TSPAN5: variants seen among roughly 807,000 people sequenced by gnomAD.
TSPAN5 encodes the protein tetraspanin-5.
A neutral mutation model predicts 37.1 loss-of-function variants in TSPAN5; 10 were observed. The observed-to-expected ratio is 0.27, with a 90% CI of 0.17 to 0.46. The LOEUF (loss-of-function observed/expected upper bound fraction) is 0.46. Among genes scored for constraint, TSPAN5 ranks in the 20% least tolerant of loss-of-function variants. The probability of loss-of-function intolerance (pLI) is 1.00; values close to 1 mark genes in which losing one functional copy is unlikely to be tolerated. For missense variants in TSPAN5, 195 were observed against 326.6 expected (o/e 0.60, Z 3.11); for synonymous variants, 110 against 118.9 (o/e 0.93, Z 0.48).
At chr4:98,482,217 T>C in intron 3 of TSPAN5, 42 bp from the exon 4 acceptor site, 1 of 1,579,966 alleles carries the variant, frequency 6.3e-7, no homozygotes, top group Non-Finnish European at 8.6e-7. Flanking sequence ...TTATAAGGGC[T>C]ATTTTGATCA....
At chr4:98,474,557 A>G (rs1752654656) in intron 7 of TSPAN5, among the ~76,000 whole-genome samples, 1 of 151,796 alleles carries the variant, frequency 6.6e-6, no homozygotes, top group Admixed American at 6.6e-5. Context: ...CATGTTGCCC[A>G]GGCTGTTTTG....
At chr4:98,637,311 C>T (rs768031998) in intron 1 of TSPAN5, among the ~76,000 whole-genome samples, 1 of 152,106 alleles carries the variant, frequency 6.6e-6, no homozygotes, top group South Asian at 2.1e-4. Context: ...ACATGGCGGC[C>T]CTCAGGGATA....
rs979317660 is a variant in TSPAN5, at chr4:98,514,376, T to C, written c.82-6648A>G. Among the ~76,000 whole-genome samples the C allele has an allele frequency of 2.6e-5, 4 of 152,106 alleles. No individual in the cohort carries two copies. In the East Asian group the frequency reaches 7.7e-4, roughly 29 times the overall value. On this transcript the variant is annotated intron_variant, in intron 1 of 7. Coordinates refer to ENST00000305798, the MANE Select transcript of TSPAN5 (RefSeq NM_005723.4). The stretch of plus-strand genomic sequence containing the variant: ...TAAATACTTATAATAACAAAATAAA[T>C]GTCTTTATAGAGGAGGGACTTATTT...
chr4:98,581,817 G>A (rs187093732), intron 1 of TSPAN5, among the ~76,000 whole-genome samples: 44 of 152,270 alleles, frequency 2.9e-4, no homozygotes, highest in African/African-American at 9.9e-4. Flanking sequence ...TTTTGTCTAA[G>A]AGACCCTCTG....
intron 1 of TSPAN5, among the ~76,000 whole-genome samples, chr4:98,549,417 C>A (rs1026985296): frequency 6.6e-6 from 1 of 151,998 alleles, no homozygotes; most frequent in Admixed American, 6.5e-5. Context: ...ATTCTCCTGC[C>A]TCAGCCTCCT....
At chr4:98,601,501 C>T (rs1461721572) in intron 1 of TSPAN5, among the ~76,000 whole-genome samples, 1 of 152,220 alleles carries the variant, frequency 6.6e-6, no homozygotes, top group East Asian at 1.9e-4. Context: ...CCTTAAACCT[C>T]ATGAACCAAC....
At chr4:98,562,017 G>C (rs902371846) in intron 1 of TSPAN5, among the ~76,000 whole-genome samples, 1 of 152,296 alleles carries the variant, frequency 6.6e-6, no homozygotes, top group East Asian at 1.9e-4. Flanking sequence ...TCAAAAGTAG[G>C]CTCCATGATG....
chr4:98,570,798 C>T (rs910394618), intron 1 of TSPAN5, among the ~76,000 whole-genome samples: 2 of 152,032 alleles, frequency 1.3e-5, no homozygotes, highest in African/African-American at 2.4e-5. Context: ...GCCATCTCTC[C>T]TCTTTCATAC....
intron 7 of TSPAN5, among the ~76,000 whole-genome samples, chr4:98,475,911 A>T (rs1752683673): frequency 6.6e-6 from 1 of 151,982 alleles, no homozygotes; most frequent in East Asian, 1.9e-4. Context: ...AATGGCATGA[A>T]CCCAAGAGGC....
intron 1 of TSPAN5, among the ~76,000 whole-genome samples, chr4:98,525,611 C>CT (rs1361762801): frequency 2.0e-5 from 3 of 152,302 alleles, no homozygotes; most frequent in Admixed American, 2.0e-4. Context: ...GAGTCTTGCT[C>CT]TGTCCCCCAG....
At chr4:98,530,664 T>C (rs1300463130) in intron 1 of TSPAN5, among the ~76,000 whole-genome samples, 1 of 152,198 alleles carries the variant, frequency 6.6e-6, no homozygotes, top group African/African-American at 2.4e-5. Context: ...AGTTTTTTCA[T>C]TTGCAGAGTA....
At chr4:98,515,824 C>T (rs534591418) in intron 1 of TSPAN5, among the ~76,000 whole-genome samples, 1 of 152,268 alleles carries the variant, frequency 6.6e-6, no homozygotes, top group South Asian at 2.1e-4. Flanking sequence ...GTCAGATACT[C>T]ATATGGTACT....
intron 1 of TSPAN5, among the ~76,000 whole-genome samples, chr4:98,543,953 G>A (rs1296266860): frequency 6.6e-6 from 1 of 152,072 alleles, no homozygotes; most frequent in Non-Finnish European, 1.5e-5. Context: ...CGAGGCAGGA[G>A]GATTGTCTGG....
intron 1 of TSPAN5, among the ~76,000 whole-genome samples, chr4:98,572,714 G>A (rs1316542703): frequency 6.6e-6 from 1 of 152,224 alleles, no homozygotes; most frequent in East Asian, 1.9e-4. Flanking sequence ...GTTTTAGTGT[G>A]CTCCCCTTTT....
At chr4:98,536,469 C>T (rs1317654828) in intron 1 of TSPAN5, among the ~76,000 whole-genome samples, 2 of 152,210 alleles carry the variant, frequency 1.3e-5, no homozygotes, top group Non-Finnish European at 2.9e-5. Context: ...CCCAGATACA[C>T]AGGGGTCAGG....
chr4:98,472,917 T>G (rs555217928), intron 7 of TSPAN5, among the ~76,000 whole-genome samples: 1 of 152,226 alleles, frequency 6.6e-6, no homozygotes, highest in Non-Finnish European at 1.5e-5. Flanking sequence ...TCTGGACATT[T>G]CATATCAAGG....
chr4:98,566,425 C>T (rs1197101832), intron 1 of TSPAN5, among the ~76,000 whole-genome samples: 2 of 152,028 alleles, frequency 1.3e-5, no homozygotes, highest in African/African-American at 2.4e-5. Flanking sequence ...AATGAAAAGA[C>T]CTTTGCATTA....
intron 1 of TSPAN5, among the ~76,000 whole-genome samples, chr4:98,522,785 G>A (rs1753883195): frequency 6.6e-6 from 1 of 152,202 alleles, no homozygotes; most frequent in Non-Finnish European, 1.5e-5. Flanking sequence ...AGGAAGGAGG[G>A]GGGATGTCTG....
chr4:98,646,025 G>A (rs987913944), intron 1 of TSPAN5, among the ~76,000 whole-genome samples: 8 of 151,982 alleles, frequency 5.3e-5, no homozygotes. Context: ...CTTCCTCTCA[G>A]AGCTGAGCCC....
Sources: allele counts gnomAD v4.1 joint callset (sites outside exome capture counted in the v4.1 genomes callset), GRCh38; gene constraint gnomAD v4.1.1; transcripts MANE v1.5; gene names NCBI Gene and HGNC (gene_info 2026-07-23, HGNC 2026-07-21).